The following EPHA6 variants were observed in gnomAD, a reference collection of about 807,000 sequenced individuals.
EPHA6 encodes EPH receptor A6.
Under a neutral mutation model 112.0 loss-of-function variants are expected in EPHA6, and 50 were observed. The observed-to-expected ratio is 0.45, with a 90% CI of 0.36 to 0.56. The LOEUF is 0.56. Ranked by LOEUF, EPHA6 falls within the 20% of genes least tolerant of loss-of-function variation. EPHA6 has a pLI of 0.00. For missense variants in EPHA6, 1,280 were observed against 1,417.4 expected (o/e 0.90, Z 1.56); for synonymous variants, 529 against 490.7 (o/e 1.08, Z -1.03).
At chr3:97,193,195 T>C (rs2077353315) in intron 3 of EPHA6, among the ~76,000 whole-genome samples, 1 of 152,178 alleles carries the variant, frequency 6.6e-6, no homozygotes. Context: ...GGTATTTTGA[T>C]AGGGATTGCA....
rs546764173 is a variant in EPHA6, at chr3:97,176,131, A to AT, written c.1115-50126dup. Reference sequence around the variant, plus strand: ...CATGAAGTCATGTTGAATTTTATCAATTTTTTTCAGAATCAATTGAAATGA... The same window carrying AT: ...CATGAAGTCATGTTGAATTTTATCAATTTTTTTTCAGAATCAATTGAAATGA... On this transcript the variant is annotated intron_variant, in intron 3 of 17. Transcript: ENST00000389672. Among the ~76,000 whole-genome samples the AT allele has an allele frequency of 4.8e-3, 723 of 151,634 alleles. 8 individuals carry two copies. The highest frequency in any genetic ancestry group is 0.015 in the African/African-American group (636 of 41,430).
intron 2 of EPHA6, among the ~76,000 whole-genome samples, chr3:96,939,799 T>G (rs1308249128): frequency 1.3e-5 from 2 of 152,224 alleles, no homozygotes; most frequent in Non-Finnish European, 2.9e-5. Context: ...TCTGGTATGT[T>G]GTGTCTTTGT....
chr3:97,133,128 G>A (rs1270795955), intron 3 of EPHA6, among the ~76,000 whole-genome samples: 1 of 152,036 alleles, frequency 6.6e-6, no homozygotes, highest in Non-Finnish European at 1.5e-5. Context: ...TTTCCGATGA[G>A]ATAGTAGACG....
chr3:97,159,175 A>G (rs563325095), intron 3 of EPHA6, among the ~76,000 whole-genome samples: 1 of 152,246 alleles, frequency 6.6e-6, no homozygotes, highest in African/African-American at 2.4e-5. Context: ...GAGACACCCT[A>G]AAGAATCTCC....
intron 5 of EPHA6, among the ~76,000 whole-genome samples, chr3:97,326,281 A>G (rs2082416951): frequency 6.6e-6 from 1 of 151,898 alleles, no homozygotes; most frequent in Non-Finnish European, 1.5e-5. Flanking sequence ...ATGTACAGAT[A>G]GACAACAGCA....
chr3:97,287,692 C>G (rs1182742048), intron 5 of EPHA6, among the ~76,000 whole-genome samples: 1 of 152,166 alleles, frequency 6.6e-6, no homozygotes, highest in Non-Finnish European at 1.5e-5. Context: ...CTTCATTCTA[C>G]TGATGTTATG....
chr3:97,033,143 G>A (rs193072900), intron 3 of EPHA6, among the ~76,000 whole-genome samples: 99 of 152,082 alleles, frequency 6.5e-4, no homozygotes, highest in African/African-American at 2.3e-3. Flanking sequence ...TGAGGAGGCT[G>A]CTGGAGACTC....
At chr3:97,581,312 T>C (rs777306215) in intron 11 of EPHA6, among the ~76,000 whole-genome samples, 7 of 152,246 alleles carry the variant, frequency 4.6e-5, no homozygotes, top group Non-Finnish European at 1.0e-4. Flanking sequence ...TTTCACTATC[T>C]TGCATGAATG....
intron 5 of EPHA6, among the ~76,000 whole-genome samples, chr3:97,255,936 C>T (rs1417988001): frequency 5.3e-5 from 8 of 152,058 alleles, no homozygotes; most frequent in Non-Finnish European, 8.8e-5. Flanking sequence ...TTTAAAAATA[C>T]ACTTAATATA....
rs780464849 is a variant in EPHA6, at chr3:97,637,858, G to A, written c.2575-15G>A. 6 of 1,603,374 alleles carry A rather than the reference G, an allele frequency of 3.7e-6. No homozygotes were observed. The highest frequency in any genetic ancestry group is 1.7e-5 in the Admixed American group (1 of 59,978). On this transcript the variant is annotated splice_polypyrimidine_tract_variant and intron_variant, in intron 13 of 17. Transcript: ENST00000389672. The stretch of plus-strand genomic sequence containing the variant: ...TTAAAATAAATCAATTTACACAATT[G>A]TGATTCTCTTGCAGAAGCATGATGG...
At chr3:96,850,038 A>G (rs1268674565) in intron 1 of EPHA6, among the ~76,000 whole-genome samples, 1 of 152,128 alleles carries the variant, frequency 6.6e-6, no homozygotes, top group Admixed American at 6.6e-5. Flanking sequence ...AAAGTGAGTC[A>G]CTAGACTGTT....
At chr3:96,824,337 CAT>C (rs2033502774) in intron 1 of EPHA6, among the ~76,000 whole-genome samples, 1 of 151,680 alleles carries the variant, frequency 6.6e-6, no homozygotes, top group Admixed American at 6.6e-5. Flanking sequence ...AAATTTTAAA[CAT>C]ATTTCTATTG....
intron 3 of EPHA6, among the ~76,000 whole-genome samples, chr3:97,095,145 T>G (rs1254586505): frequency 6.6e-6 from 1 of 152,026 alleles, no homozygotes; most frequent in African/African-American, 2.4e-5. Context: ...AAAGTAAAAA[T>G]TTTAATGAAA....
Position 97,757,150 on chromosome 3 carries a change from T to C in EPHA6, c.*8449T>C, listed in dbSNP as rs753712075. 6.6e-6 allele frequency among the ~76,000 whole-genome samples: 1 copy of C among 151,808 alleles called. No homozygotes were observed. The highest frequency in any genetic ancestry group is 2.4e-5 in the African/African-American group (1 of 41,414). On this transcript the variant is annotated 3_prime_UTR_variant, in exon 18 of 18. Coordinates refer to ENST00000389672, the MANE Select transcript of EPHA6 (RefSeq NM_001080448.3). ...AGGAAAACACTAAAAGGTAATACAG[T>C]ACAAAGAGGAGTTTGTTTTAAAATT...
At chr3:97,022,272 G>T (rs2044487710) in intron 3 of EPHA6, among the ~76,000 whole-genome samples, 1 of 151,864 alleles carries the variant, frequency 6.6e-6, no homozygotes, top group African/African-American at 2.4e-5. Context: ...ATTTAAATAG[G>T]TTATCATATT....
chr3:97,380,412 C>T lies in EPHA6; in HGVS notation c.1607-24738C>T, dbSNP rs115673791. 9.5e-3 allele frequency among the ~76,000 whole-genome samples: 1,444 copies of T among 152,154 alleles called. 22 individuals carry two copies. The highest frequency in any genetic ancestry group is 0.032 in the African/African-American group (1,342 of 41,502). ...GAAGAAATGAGTATACATATATGTA[C>T]CTATGTGTACAATATAGTGCACACA... On this transcript the variant is annotated intron_variant, in intron 5 of 17. Transcript: ENST00000389672.
At chr3:96,829,967 A>ACACG in intron 1 of EPHA6, among the ~76,000 whole-genome samples, 1 of 151,672 alleles carries the variant, frequency 6.6e-6, no homozygotes, top group South Asian at 2.1e-4. Context: ...ACACACACAC[A>ACACG]CACACACACA....
rs543843107 is a variant in EPHA6, at chr3:97,327,863, GTA to G, written c.1607-77277_1607-77276del. ...TATATATATATATATGTATATGTGT[GTA>G]TATATATATGTATATGTGTGTATAT... On this transcript the variant is annotated intron_variant, in intron 5 of 17. Coordinates refer to ENST00000389672, the MANE Select transcript of EPHA6 (RefSeq NM_001080448.3). Among the ~76,000 whole-genome samples, 365 of 146,464 alleles carry G rather than the reference GTA, an allele frequency of 2.5e-3. 1 individual carries two copies. Among genetic ancestry groups the G allele is most frequent in the African/African-American group, 8.6e-3 (340 of 39,564 alleles).
chr3:97,246,686 T>TA (rs1269936659), intron 5 of EPHA6, among the ~76,000 whole-genome samples: 1 of 151,744 alleles, frequency 6.6e-6, no homozygotes, highest in Non-Finnish European at 1.5e-5. Flanking sequence ...TGAAAGTACA[T>TA]AAAGGTCCTA....
Sources: allele counts gnomAD v4.1 joint callset (sites outside exome capture counted in the v4.1 genomes callset), GRCh38; gene constraint gnomAD v4.1.1; transcripts MANE v1.5; gene names NCBI Gene and HGNC (gene_info 2026-07-23, HGNC 2026-07-21).